SLC28A1: variants seen among roughly 807,000 people sequenced by gnomAD.
SLC28A1 encodes solute carrier family 28 member 1.
A neutral mutation model predicts 74.8 loss-of-function variants in SLC28A1; 64 were observed. The ratio of observed to expected loss-of-function variants is 0.86; its 90% CI spans 0.70 to 1.05. The LOEUF is 1.05. SLC28A1 is among the 50% of genes least tolerant of loss of function. The probability of loss-of-function intolerance (pLI) is 0.00; values close to 1 mark genes in which losing one functional copy is unlikely to be tolerated. For synonymous variants in SLC28A1, 359 were observed against 335.0 expected (o/e 1.07, Z -0.78); for missense variants, 828 against 822.8 (o/e 1.01, Z -0.08).
chr15:84,903,479 G>A (rs2141763454), intron 6 of SLC28A1, among the ~76,000 whole-genome samples: 1 of 152,330 alleles, frequency 6.6e-6, no homozygotes, highest in African/African-American at 2.4e-5. Flanking sequence ...GACCGGATTG[G>A]GGTGAGATCT....
At chr15:84,889,731 TC>T (rs1965110384) in intron 4 of SLC28A1, among the ~76,000 whole-genome samples, 1 of 126,162 alleles carries the variant, frequency 7.9e-6, no homozygotes, top group African/African-American at 3.0e-5. Context: ...CTTCCTTCCT[TC>T]CTTCCTTCCT....
At chr15:84,946,105 TATA>T (rs1567196415), downstream of SLC28A1, among the ~76,000 whole-genome samples, 7 of 37,786 alleles carry the variant, frequency 1.9e-4, no homozygotes, top group African/African-American at 5.1e-4. Flanking sequence ...TATATATATA[TATA>T]TATATTTTTT....
intron 10 of SLC28A1, among the ~76,000 whole-genome samples, chr15:84,919,110 T>C (rs763813917): frequency 1.9e-4 from 29 of 152,216 alleles, no homozygotes; most frequent in Admixed American, 3.9e-4. Flanking sequence ...GTTGCAGTTT[T>C]GAGGCGGCAC....
chr15:84,934,296 G>A (rs1459387964), intron 13 of SLC28A1, among the ~76,000 whole-genome samples: 2 of 152,198 alleles, frequency 1.3e-5, no homozygotes, highest in African/African-American at 4.8e-5. Context: ...GTGGCCTGGT[G>A]TGTGTACATG....
At chr15:84,935,747 G>A (rs965509967) in intron 15 of SLC28A1, among the ~76,000 whole-genome samples, 16 of 152,248 alleles carry the variant, frequency 1.1e-4, no homozygotes, top group African/African-American at 3.6e-4. Flanking sequence ...CATTGTTTGG[G>A]ATGTCTGAAA....
Position 84,943,491 on chromosome 15 carries a change from A to G in SLC28A1, c.1628A>G (p.Asn543Ser), listed in dbSNP as rs1322349919. 4.3e-6 allele frequency: 7 copies of G among 1,613,988 alleles called. No homozygotes were observed. Among genetic ancestry groups the G allele is most frequent in the East Asian group, 2.2e-5 (1 of 44,880 alleles). Residue 543 changes from asparagine to serine, a missense_variant, in exon 16 of 19, where the codon AAT (asparagine) becomes AGT (serine). Asn to Ser is a conservative substitution (Grantham distance 46). This residue lies in a region of SLC28A1 where 767 missense variants were observed against 753.5 expected (regional missense o/e 1.02). Coordinates refer to ENST00000394573, the MANE Select transcript of SLC28A1 (RefSeq NM_004213.5). ...ACGTTTGCCCTCTGTGGATTTGCCA[A>G]TTTCAGCTCCATTGGGATCATGCTG... ...LTTFALCGFA[N>S]FSSIGIMLGG...
chr15:84,958,424 AC>A, the SLC28A1 span, among the ~76,000 whole-genome samples: 1 of 152,220 alleles, frequency 6.6e-6, no homozygotes, highest in African/African-American at 2.4e-5. Flanking sequence ...GAGAAAGTAT[AC>A]ACAAGAGATC....
the SLC28A1 span, among the ~76,000 whole-genome samples, chr15:84,973,898 C>G: frequency 2.6e-5 from 4 of 152,184 alleles, no homozygotes; most frequent in Admixed American, 1.3e-4. Context: ...GCCGCACCAC[C>G]ATTAAGGTCA....
chr15:84,936,020 T>C (rs1971880058), intron 15 of SLC28A1, among the ~76,000 whole-genome samples: 1 of 145,874 alleles, frequency 6.9e-6, no homozygotes, highest in Non-Finnish European at 1.5e-5. Context: ...AGTGGCTCGA[T>C]CTCGGCTCAC....
At chr15:84,912,834 ACACACACACACAC>A (rs1567151148) in intron 9 of SLC28A1, among the ~76,000 whole-genome samples, 49 of 151,540 alleles carry the variant, frequency 3.2e-4, no homozygotes, top group Non-Finnish European at 6.5e-4. Flanking sequence ...ACACACACAC[ACACACACACACAC>A]AGATCAAATA....
chr15:84,936,785 G>A (rs192962701), intron 15 of SLC28A1, among the ~76,000 whole-genome samples: 1 of 151,978 alleles, frequency 6.6e-6, no homozygotes, highest in African/African-American at 2.4e-5. Context: ...AGGTGCAATG[G>A]CTCATGCCTG....
rs769750311 is a variant in SLC28A1 at position 84,894,936 on chromosome 15, C to G, written c.278-4C>G. 1.2e-6 allele frequency: 2 copies of G among 1,614,092 alleles called. No individual in the cohort carries two copies. Among genetic ancestry groups the G allele is most frequent in the Non-Finnish European group, 8.5e-7 (1 of 1,180,010 alleles). On this transcript the variant is annotated splice_polypyrimidine_tract_variant and splice_region_variant and intron_variant, in intron 5 of 18. Transcript: ENST00000394573. ...GTTGACCCCTCCTCTGTCTCATCCCCCAGGGCTCTCTGCCTTCCTGCTGGT... is the reference window on the plus strand; with the variant it reads ...GTTGACCCCTCCTCTGTCTCATCCCGCAGGGCTCTCTGCCTTCCTGCTGGT...
the SLC28A1 span, among the ~76,000 whole-genome samples, chr15:84,952,093 C>G: frequency 1.3e-5 from 2 of 152,158 alleles, no homozygotes; most frequent in African/African-American, 4.8e-5. Flanking sequence ...TCCGTGTTCC[C>G]TCCCCTTGAA....
At chr15:84,922,043 G>A (rs917387871) in intron 11 of SLC28A1, among the ~76,000 whole-genome samples, 2 of 152,140 alleles carry the variant, frequency 1.3e-5, no homozygotes, top group African/African-American at 2.4e-5. Context: ...CGGGGTCTAC[G>A]CCTCATTTCC....
chr15:84,969,536 G>C, the SLC28A1 span, among the ~76,000 whole-genome samples: 106,688 of 151,650 alleles, frequency 0.7, 37,829 homozygotes, highest in South Asian at 0.85. Context: ...CCTGCCCCCC[G>C]ACTCGGACTT....
rs7496762 is a variant in SLC28A1 at position 84,899,609 on chromosome 15, T to A, written c.461+4486T>A. 5.3e-3 allele frequency among the ~76,000 whole-genome samples: 800 copies of A among 152,118 alleles called. 1 individual carries two copies. Among genetic ancestry groups the A allele is most frequent in the Middle Eastern group, 0.017 (5 of 294 alleles). ...TAATGGAACAGTAAACAATAGCAAA[T>A]ACCCAAAAGGCTGTCAACCTAGAAT... On this transcript the variant is annotated intron_variant, in intron 6 of 18. Coordinates refer to ENST00000394573, the MANE Select transcript of SLC28A1 (RefSeq NM_004213.5).
rs180838513 is a variant in SLC28A1, at chr15:84,926,995, G to A, written c.1083+2885G>A. On this transcript the variant is annotated intron_variant, in intron 12 of 18. Transcript: ENST00000394573. ...CACACCAATAAGCTCAGCTCTACAT[G>A]CCACAGAGCTGTCTGGGCAGGGCCA... Among the ~76,000 whole-genome samples the A allele has an allele frequency of 2.6e-5, 4 of 152,230 alleles. 1 individual carries two copies. The highest frequency in any genetic ancestry group is 2.0e-4 in the Admixed American group (3 of 15,284).
In SLC28A1 at chr15:84,893,258, GAAAAT is replaced by G. The variant is rs1423821098; in HGVS notation, c.278-1681_278-1677del. 1.7e-3 allele frequency among the ~76,000 whole-genome samples: 256 copies of G among 152,210 alleles called. 1 individual carries two copies. The highest frequency in any genetic ancestry group is 6.0e-3 in the African/African-American group (250 of 41,520). On this transcript the variant is annotated intron_variant, in intron 5 of 18. Transcript: ENST00000394573. ...TAGGGGTCTTGTGAGGATTCATTGTGAAAATGCATCTGAAGTGCCAAGCTCACCTC... is the reference window on the plus strand; with the variant it reads ...TAGGGGTCTTGTGAGGATTCATTGTGGCATCTGAAGTGCCAAGCTCACCTC...
chr15:84,971,882 C>T, the SLC28A1 span, among the ~76,000 whole-genome samples: 1 of 152,182 alleles, frequency 6.6e-6, no homozygotes. Flanking sequence ...CTTCTGGGCT[C>T]AAAATCATCC....
Sources: allele counts gnomAD v4.1 joint callset (sites outside exome capture counted in the v4.1 genomes callset), GRCh38; gene constraint gnomAD v4.1.1; regional missense constraint gnomAD v4.1.1; transcripts MANE v1.5; gene names NCBI Gene and HGNC (gene_info 2026-07-23, HGNC 2026-07-21).